The following TRIM33 variants were observed in gnomAD, a reference collection of about 807,000 sequenced individuals.
TRIM33 encodes tripartite motif containing 33, also known as E3 ubiquitin-protein ligase TRIM33.
TRIM33 carries 20 observed loss-of-function variants against 125.4 expected under a neutral mutation model. The ratio of observed to expected loss-of-function variants is 0.16; its 90% CI spans 0.11 to 0.23. TRIM33 has a LOEUF of 0.23. TRIM33 is among the 10% of genes least tolerant of loss of function. TRIM33 has a pLI of 1.00. For missense variants in TRIM33, 920 were observed against 1,411.4 expected (o/e 0.65, Z 5.58); for synonymous variants, 564 against 513.9 (o/e 1.10, Z -1.32).
intron 1 of TRIM33, among the ~76,000 whole-genome samples, chr1:114,490,246 T>C (rs537457305): frequency 1.2e-4 from 18 of 152,208 alleles, no homozygotes; most frequent in African/African-American, 4.1e-4. Context: ...TGAACAGACA[T>C]TTCATCAGAG....
chr1:114,435,877 C>CTTTTTTTTT lies in TRIM33; in HGVS notation c.924-2153_924-2145dup, dbSNP rs34327766. The stretch of plus-strand genomic sequence containing the variant: ...GAGTAGCTGGGACTATAGACACCCG[C>CTTTTTTTTT]TTTTTTTTTTTTTTTTTTTTTTTTT... On this transcript the variant is annotated intron_variant, in intron 4 of 19. Coordinates refer to ENST00000358465, the MANE Select transcript of TRIM33 (RefSeq NM_015906.4). Among the ~76,000 whole-genome samples the CTTTTTTTTT allele has an allele frequency of 1.1e-4, 8 of 73,336 alleles. 1 individual carries two copies. Among genetic ancestry groups the CTTTTTTTTT allele is most frequent in the African/African-American group, 3.8e-4 (6 of 15,660 alleles). The allele number at this position is 73,336 out of a possible 152,430, so 48.1% of individuals were successfully genotyped here.
At chr1:114,444,091 T>A (rs1648824799) in intron 4 of TRIM33, among the ~76,000 whole-genome samples, 1 of 152,180 alleles carries the variant, frequency 6.6e-6, no homozygotes, top group East Asian at 1.9e-4. Context: ...GTAGACAATT[T>A]TATGATAACT....
In TRIM33 at chr1:114,399,484, G is replaced by A; in HGVS notation, c.3093C>T (p.Ile1031=). The A allele has an allele frequency of 6.2e-7, 1 of 1,613,786 alleles. No individual in the cohort carries two copies. The highest frequency in any genetic ancestry group is 8.5e-7 in the Non-Finnish European group (1 of 1,179,836). ...CATTAAACCTTTCACAGTTCTTGAA[G>A]ATCAAACGGACATCGGCCACAAAGT... ...PDDFVADVRL[I]FKNCERFNEM... The change falls in exon 18 of 20, where the codon ATC becomes ATT. Residue 1031 remains isoleucine, a synonymous_variant. Coordinates refer to ENST00000358465, the MANE Select transcript of TRIM33 (RefSeq NM_015906.4).
At chr1:114,495,919 G>T (rs1652341399) in intron 1 of TRIM33, among the ~76,000 whole-genome samples, 1 of 152,158 alleles carries the variant, frequency 6.6e-6, no homozygotes, top group Non-Finnish European at 1.5e-5. Context: ...GTATTATACT[G>T]TTCTTTAATA....
In TRIM33 at chr1:114,401,106, G is replaced by A. The variant is rs577536762; in HGVS notation, c.2967+283C>T. Among the ~76,000 whole-genome samples the A allele has an allele frequency of 5.8e-4, 87 of 149,952 alleles. 1 individual carries two copies. The highest frequency in any genetic ancestry group is 2.1e-3 in the African/African-American group (86 of 40,734). On this transcript the variant is annotated intron_variant, in intron 17 of 19. Coordinates refer to ENST00000358465, the MANE Select transcript of TRIM33 (RefSeq NM_015906.4). ...GGCTGGAGTGCAGTGGCGCGATCTCGGCTCACTGCAAGCTCCGCCTCCCGG... is the reference window on the plus strand; with the variant it reads ...GGCTGGAGTGCAGTGGCGCGATCTCAGCTCACTGCAAGCTCCGCCTCCCGG...
chr1:114,421,739 A>G, intron 10 of TRIM33, 103 bp from the exon 11 acceptor site: 1 of 1,107,626 alleles, frequency 9.0e-7, no homozygotes, highest in Non-Finnish European at 1.3e-6. Flanking sequence ...GAAGAAACAA[A>G]GAAGTGGGCC....
chr1:114,407,120 A>G lies in TRIM33; in HGVS notation c.2259-20T>C. On this transcript the variant is annotated intron_variant, in intron 13 of 19. Transcript: ENST00000358465. The stretch of plus-strand genomic sequence containing the variant: ...CCACAGCTAATAAGAAACAACAAAT[A>G]AAGATCACATACGTTTGACTATATG... 6.2e-7 allele frequency: 1 copy of G among 1,602,898 alleles called. No individual in the cohort carries two copies. Among genetic ancestry groups the G allele is most frequent in the Non-Finnish European group, 8.5e-7 (1 of 1,174,886 alleles).
rs376579220 is a variant in TRIM33 at position 114,421,574 on chromosome 1, G to C, written c.1923C>G (p.Asn641Lys). 7 of 1,614,056 alleles carry C rather than the reference G, an allele frequency of 4.3e-6. No individual in the cohort carries two copies. The African/African-American group carries it at 9.3e-5, about 22-fold the overall frequency. ...PVVSVHNTTI[N>K]PTSPTTATMA... ...TAGTTGCTGTAGTAGGGCTCGTTGG[G>C]TTGATTGTGGTGTTGTGTACCGATA... The change falls in exon 11 of 20, where the codon AAC becomes AAG. Residue 641 changes from asparagine to lysine, a missense_variant. This residue lies in a region of TRIM33 where 407 missense variants were observed against 589.7 expected (regional missense o/e 0.69). Transcript: ENST00000358465.
Position 114,397,607 on chromosome 1 carries a change from G to GAT in TRIM33, c.*40_*41insAT. ...TTTTTGTGTTTTTTTTTTTTTTTTCGTTTTTTTTTTTTTAAACAATTGATT... is the reference window on the plus strand; with the variant it reads ...TTTTTGTGTTTTTTTTTTTTTTTTCGATTTTTTTTTTTTTTAAACAATTGATT... On this transcript the variant is annotated 3_prime_UTR_variant, in exon 20 of 20. Coordinates refer to ENST00000358465, the MANE Select transcript of TRIM33 (RefSeq NM_015906.4). The GAT allele has an allele frequency of 1.8e-6, 1 of 566,088 alleles. No individual in the cohort carries two copies. The highest frequency in any genetic ancestry group is 2.4e-6 in the Non-Finnish European group (1 of 411,206). The allele number at this position is 566,088 out of a possible 1,614,324, so 35.1% of individuals were successfully genotyped here.
At chr1:114,475,775 C>T (rs1313532228) in intron 1 of TRIM33, among the ~76,000 whole-genome samples, 1 of 152,056 alleles carries the variant, frequency 6.6e-6, no homozygotes, top group Non-Finnish European at 1.5e-5. Flanking sequence ...AATCTATCAA[C>T]AAAAACAACA....
rs1653344214 is a variant in TRIM33 at position 114,511,108 on chromosome 1, GCGCCGCCCGCCGCCCGCGTCGC to G, written c.-54_-33del. The G allele has an allele frequency of 8.7e-6, 10 of 1,144,480 alleles. No individual in the cohort carries two copies. Among genetic ancestry groups the G allele is most frequent in the Non-Finnish European group, 7.5e-6 (7 of 935,420 alleles). 70.9% of individuals were successfully genotyped at this position (1,144,480 alleles called of 1,614,324 possible). ...CTCTTTGAACCCGCCGGACCGCCCC[GCGCCGCCCGCCGCCCGCGTCGC>G]CGCCGCCGCCGCCCCCAGCCCCAGC... is the stretch of plus-strand genomic sequence containing the variant. On this transcript the variant is annotated 5_prime_UTR_variant, in exon 1 of 20. Transcript: ENST00000358465.
At chr1:114,480,302 C>A (rs1461775265) in intron 1 of TRIM33, among the ~76,000 whole-genome samples, 1 of 151,918 alleles carries the variant, frequency 6.6e-6, no homozygotes, top group Non-Finnish European at 1.5e-5. Context: ...AGAGTCATCA[C>A]CACTCCCTGA....
intron 4 of TRIM33, among the ~76,000 whole-genome samples, chr1:114,453,638 T>C (rs1177678616): frequency 3.3e-5 from 5 of 152,198 alleles, no homozygotes; most frequent in Non-Finnish European, 5.9e-5. Flanking sequence ...GCCTGGGGAC[T>C]TGAGCCAAGC....
At chr1:114,424,557 T>C (rs202024025) in intron 10 of TRIM33, 34 bp downstream of exon 10, 28 of 1,475,408 alleles carry the variant, frequency 1.9e-5, no homozygotes, top group Non-Finnish European at 2.5e-5. Flanking sequence ...ATTTTAAAAT[T>C]GTAGGATTCT....
chr1:114,441,911 T>C (rs1412662376), intron 4 of TRIM33, among the ~76,000 whole-genome samples: 1 of 152,238 alleles, frequency 6.6e-6, no homozygotes, highest in Non-Finnish European at 1.5e-5. Context: ...GCTCTTCAGA[T>C]AGTTTGATAT....
chr1:114,441,744 T>G (rs1333390155), intron 4 of TRIM33, among the ~76,000 whole-genome samples: 1 of 152,242 alleles, frequency 6.6e-6, no homozygotes, highest in Non-Finnish European at 1.5e-5. Flanking sequence ...AATGGGTAAC[T>G]TTTATCTGTG....
intron 1 of TRIM33, among the ~76,000 whole-genome samples, chr1:114,486,530 C>T (rs181540177): frequency 1.5e-3 from 174 of 114,306 alleles, no homozygotes; most frequent in Non-Finnish European, 2.3e-3. Context: ...CTGGGCAACA[C>T]AGTGGGACCC....
chr1:114,438,876 T>C (rs916087012), intron 4 of TRIM33, among the ~76,000 whole-genome samples: 3 of 152,196 alleles, frequency 2.0e-5, no homozygotes, highest in Non-Finnish European at 4.4e-5. Context: ...CAAATGTATA[T>C]TGTTCCTTAT....
At chr1:114,485,781 A>G (rs1156610899) in intron 1 of TRIM33, among the ~76,000 whole-genome samples, 1 of 152,230 alleles carries the variant, frequency 6.6e-6, no homozygotes, top group African/African-American at 2.4e-5. Context: ...CTGGAAAAAA[A>G]TGAAGATTAA....
Sources: gnomAD v4.1 joint callset for allele counts (sites outside exome capture counted in the v4.1 genomes callset) on GRCh38, gnomAD v4.1.1 for gene constraint, gnomAD v4.1.1 regional missense constraint, MANE v1.5 for transcripts, NCBI Gene and HGNC (gene_info 2026-07-23, HGNC 2026-07-21) for gene names.